The following DMD variants were observed in gnomAD, a reference collection of about 807,000 sequenced individuals.
The protein encoded by DMD is dystrophin.
A neutral mutation model predicts 330.1 loss-of-function variants in DMD; 63 were observed. The observed-to-expected ratio is 0.19, with a 90% CI of 0.16 to 0.24. The LOEUF (loss-of-function observed/expected upper bound fraction) is 0.24. DMD is among the 10% of genes least tolerant of loss of function. The pLI, the probability that DMD is intolerant of heterozygous loss-of-function variation, is 1.00. For missense variants in DMD, 3,344 were observed against 2,684.1 expected, an observed-to-expected ratio of 1.25 and a Z score of -5.43; for synonymous variants, 1,223 against 959.8, an observed-to-expected ratio of 1.27 and a Z score of -5.07.
intron 44 of DMD, among the ~76,000 whole-genome samples, chrX:32,102,361 A>G (rs961726787): frequency 8.9e-6 from 1 of 112,063 alleles, no homozygotes; most frequent in Admixed American, 9.5e-5. Context: ...CATCTTTTGT[A>G]ATCAAAATTA....
intron 12 of DMD, among the ~76,000 whole-genome samples, chrX:32,604,469 A>C (rs1261412243): frequency 9.2e-6 from 1 of 108,701 alleles, no homozygotes; most frequent in African/African-American, 3.3e-5. Flanking sequence ...TGTTGAGAGC[A>C]CCCCCCTCCC....
At chrX:31,921,183 A>G (rs1414703070) in intron 47 of DMD, among the ~76,000 whole-genome samples, 1 of 111,225 alleles carries the variant, frequency 9.0e-6, no homozygotes, top group African/African-American at 3.3e-5. Context: ...CAATCAGGCC[A>G]ATAGATTGAT....
rs769016504 is a variant in DMD at position 32,155,059 on chromosome X, TG to T, written c.6438+61856del. Reference sequence around the variant, plus strand: ...AGATTTGGGCTACTTGCCCTTGCTGTGTTTTTTTTTTTTTTTTAATTTCCCC... The same window carrying T: ...AGATTTGGGCTACTTGCCCTTGCTGTTTTTTTTTTTTTTTTTAATTTCCCC... On this transcript the variant is annotated intron_variant, in intron 44 of 78. Transcript: ENST00000357033. Among the ~76,000 whole-genome samples the T allele has an allele frequency of 5.3e-4, 55 of 103,866 alleles. No individual in the cohort carries two copies. The Admixed American group carries it at 5.8e-3, about 11-fold the overall frequency. 90.2% of individuals were successfully genotyped at this position (103,866 alleles called of 115,157 possible).
chrX:31,791,268 A>G (rs2091556880), intron 50 of DMD, among the ~76,000 whole-genome samples: 1 of 112,291 alleles, frequency 8.9e-6, no homozygotes, highest in African/African-American at 3.2e-5. Context: ...AAATATCCAA[A>G]TTGTCTAAAT....
chrX:31,168,019 G>A (rs989899478), intron 74 of DMD, among the ~76,000 whole-genome samples: 5 of 112,055 alleles, frequency 4.5e-5, no homozygotes, highest in African/African-American at 1.6e-4. Context: ...CCAACTGCAG[G>A]GATCTAGCAG....
At chrX:31,871,121 T>C (rs1453065728) in intron 48 of DMD, among the ~76,000 whole-genome samples, 1 of 111,494 alleles carries the variant, frequency 9.0e-6, no homozygotes, top group Non-Finnish European at 1.9e-5. Context: ...TGAGAGTATA[T>C]TTGAAAATCA....
chrX:31,187,739 GAGAGAGAGAGAGAGAGAGAGA>G (rs1387496721), intron 67 of DMD, among the ~76,000 whole-genome samples: 5 of 24,340 alleles, frequency 2.1e-4, no homozygotes, highest in African/African-American at 5.2e-4. Flanking sequence ...GAGAGAGAGA[GAGAGAGAGAGAGAGAGAGAGA>G]GAGAGAGAGA....
intron 52 of DMD, among the ~76,000 whole-genome samples, chrX:31,728,975 T>C (rs1428762227): frequency 2.7e-5 from 3 of 110,979 alleles, no homozygotes; most frequent in Admixed American, 9.6e-5. Context: ...TACTCCTTCG[T>C]CTGTCACTCT....
At chrX:33,108,851 AGTG>A (rs2095314614) in intron 1 of DMD, among the ~76,000 whole-genome samples, 1 of 78,088 alleles carries the variant, frequency 1.3e-5, no homozygotes, top group Non-Finnish European at 2.5e-5. Flanking sequence ...GGGCAACAAG[AGTG>A]AAACTCCGTT....
At chrX:31,659,822 G>A (rs2081025035) in intron 53 of DMD, among the ~76,000 whole-genome samples, 1 of 110,674 alleles carries the variant, frequency 9.0e-6, no homozygotes, top group Non-Finnish European at 1.9e-5. Context: ...ACTACACTGT[G>A]TTTATCTCTA....
intron 47 of DMD, among the ~76,000 whole-genome samples, chrX:31,897,367 G>C (rs1488294939): frequency 9.3e-6 from 1 of 107,929 alleles, no homozygotes; most frequent in Non-Finnish European, 1.9e-5. Context: ...ATTGTGAATA[G>C]CGCCGCAATA....
chrX:31,230,829 C>T (rs1158073496), intron 63 of DMD, among the ~76,000 whole-genome samples: 1 of 112,010 alleles, frequency 8.9e-6, no homozygotes, highest in Admixed American at 9.5e-5. Flanking sequence ...CTGGCTCCCT[C>T]CTCTTGCTTG....
At chrX:33,215,847 G>T (rs1254877810), upstream of DMD, among the ~76,000 whole-genome samples, 1 of 111,419 alleles carries the variant, frequency 9.0e-6, no homozygotes, top group Non-Finnish European at 1.9e-5. Context: ...GTGTCGCTTT[G>T]TTTCTGGGTT....
At chrX:32,733,072 A>G (rs2067933714) in intron 7 of DMD, among the ~76,000 whole-genome samples, 1 of 108,389 alleles carries the variant, frequency 9.2e-6, no homozygotes, top group Non-Finnish European at 1.9e-5. Flanking sequence ...AGGAAGATCT[A>G]CCAAGCAAAT....
intron 7 of DMD, among the ~76,000 whole-genome samples, chrX:32,749,815 C>T (rs1411201063): frequency 8.9e-6 from 1 of 111,899 alleles, no homozygotes; most frequent in African/African-American, 3.3e-5. Context: ...CAATTAAAAG[C>T]CAAAAAACTC....
intron 1 of DMD, among the ~76,000 whole-genome samples, chrX:33,233,024 G>A (rs937621353): frequency 9.0e-6 from 1 of 110,884 alleles, no homozygotes; most frequent in Non-Finnish European, 1.9e-5. Context: ...GTACATGATG[G>A]TGACTATAAT....
intron 53 of DMD, among the ~76,000 whole-genome samples, chrX:31,668,331 C>T (rs2081546268): frequency 9.0e-6 from 1 of 111,140 alleles, no homozygotes; most frequent in Non-Finnish European, 1.9e-5. Flanking sequence ...TAAGAAAACA[C>T]TGCATAATCC....
At chrX:32,214,947 G>A (rs1236617948) in intron 44 of DMD, among the ~76,000 whole-genome samples, 1 of 111,407 alleles carries the variant, frequency 9.0e-6, no homozygotes, top group Non-Finnish European at 1.9e-5. Context: ...AGACACAGAT[G>A]ATAAAATTAG....
chrX:31,766,099 A>G (rs1294824555), intron 51 of DMD, among the ~76,000 whole-genome samples: 1 of 111,213 alleles, frequency 9.0e-6, no homozygotes, highest in Non-Finnish European at 1.9e-5. Context: ...AACATTATAT[A>G]ACTTTCAGAA....
Sources: allele counts gnomAD v4.1 joint callset (sites outside exome capture counted in the v4.1 genomes callset), GRCh38; gene constraint gnomAD v4.1.1; transcripts MANE v1.5; gene names NCBI Gene and HGNC (gene_info 2026-07-23, HGNC 2026-07-21).